The following MINDY3 variants were observed in gnomAD, a reference collection of about 807,000 sequenced individuals.
MINDY3 encodes the protein ubiquitin carboxyl-terminal hydrolase MINDY-3.
MINDY3 carries 38 observed loss-of-function variants against 69.2 expected under a neutral mutation model. The ratio of observed to expected loss-of-function variants is 0.55; its 90% CI spans 0.42 to 0.72. The LOEUF is 0.72. MINDY3 is among the 30% of genes least tolerant of loss of function. The pLI, the probability that MINDY3 is intolerant of heterozygous loss-of-function variation, is 0.00. For synonymous variants in MINDY3, 192 were observed against 180.1 expected, an observed-to-expected ratio of 1.07 and a Z score of -0.53; for missense variants, 522 against 519.0, an observed-to-expected ratio of 1.01 and a Z score of -0.06.
intron 14 of MINDY3, among the ~76,000 whole-genome samples, chr10:15,779,691 C>G (rs187084832): frequency 3.9e-5 from 6 of 152,070 alleles, no homozygotes; most frequent in Admixed American, 3.3e-4. Context: ...TCCTGAAATG[C>G]AATTCATGAG....
At chr10:15,809,450 C>A (rs1191195409) in intron 10 of MINDY3, among the ~76,000 whole-genome samples, 1 of 152,150 alleles carries the variant, frequency 6.6e-6, no homozygotes. Context: ...CAAGTAACCT[C>A]AATGAAAGTG....
intron 8 of MINDY3, among the ~76,000 whole-genome samples, chr10:15,830,432 A>G (rs372073617): frequency 3.3e-5 from 5 of 152,372 alleles, no homozygotes; most frequent in African/African-American, 9.6e-5. Context: ...AATTCCACAC[A>G]GTTTAATAAA....
intron 10 of MINDY3, among the ~76,000 whole-genome samples, chr10:15,815,824 TGAGAGATGTTAAGAA>T (rs1839318238): frequency 6.6e-6 from 1 of 152,190 alleles, no homozygotes; most frequent in African/African-American, 2.4e-5. Context: ...GAAAGGGGGC[TGAGAGATGTTAAGAA>T]GTGGCAAGGC....
At chr10:15,860,181 A>C (rs775764037) in intron 1 of MINDY3, 25 bp downstream of exon 1, 1 of 1,560,588 alleles carries the variant, frequency 6.4e-7, no homozygotes, top group Non-Finnish European at 8.8e-7. Flanking sequence ...CAGCGGCTGC[A>C]AGTGTGAGAG....
intron 13 of MINDY3, among the ~76,000 whole-genome samples, chr10:15,784,849 G>A (rs1836830568): frequency 6.6e-6 from 1 of 152,146 alleles, no homozygotes. Flanking sequence ...GTGGCTACAG[G>A]GGAAAGGGGA....
intron 2 of MINDY3, among the ~76,000 whole-genome samples, chr10:15,843,862 C>G (rs1362854063): frequency 2.0e-5 from 3 of 152,088 alleles, no homozygotes; most frequent in African/African-American, 7.2e-5. Context: ...AGTGAAGTGT[C>G]TACTTCTCAA....
chr10:15,786,362 G>T (rs1449252587), intron 13 of MINDY3, among the ~76,000 whole-genome samples, 199 bp downstream of exon 13: 4 of 152,058 alleles, frequency 2.6e-5, no homozygotes, highest in Non-Finnish European at 5.9e-5. Context: ...GTCATCTTCT[G>T]CTGCCCTCCC....
rs1836260739 is a variant in MINDY3, at chr10:15,778,283, GAAGA to G, written c.*705_*708del. On this transcript the variant is annotated 3_prime_UTR_variant, in exon 15 of 15. Transcript: ENST00000277632. Reference sequence around the variant, plus strand: ...TGCATTTATCGTGTTTATAAATATAGAAGAAAGCTGGCTTACAGGGCTGTTGGGA... The same window carrying G: ...TGCATTTATCGTGTTTATAAATATAGAAGCTGGCTTACAGGGCTGTTGGGA... The G allele has an allele frequency of 6.6e-6, 1 of 152,142 alleles. No individual in the cohort carries two copies. Among genetic ancestry groups the G allele is most frequent in the Non-Finnish European group, 1.5e-5 (1 of 68,030 alleles). The allele number at this position is 152,142 out of a possible 1,614,324, so 9.4% of individuals were successfully genotyped here.
intron 14 of MINDY3, 52 bp downstream of exon 14, chr10:15,782,103 T>C: frequency 7.8e-7 from 1 of 1,285,782 alleles, no homozygotes; most frequent in Admixed American, 1.8e-5. Context: ...CATACTCACA[T>C]AATTATTTCA....
rs1357273602 is a variant in MINDY3 at position 15,815,153 on chromosome 10, T to C, written c.882+1682A>G. Among the ~76,000 whole-genome samples the C allele has an allele frequency of 2.0e-5, 3 of 152,220 alleles. No individual in the cohort carries two copies. In the East Asian group the frequency reaches 5.8e-4, roughly 29 times the overall value. ...ATTAATTTTCTTTTATGGTAATTTA[T>C]AAAATGAAATCCTCACTCAGGAATT... is the stretch of plus-strand genomic sequence containing the variant. On this transcript the variant is annotated intron_variant, in intron 10 of 14. Transcript: ENST00000277632.
chr10:15,836,772 A>T (rs988742649), intron 6 of MINDY3, among the ~76,000 whole-genome samples: 3 of 151,686 alleles, frequency 2.0e-5, no homozygotes, highest in Non-Finnish European at 4.4e-5. Flanking sequence ...GGTAACAGAT[A>T]AAGAAGGAAA....
At chr10:15,858,023 T>C (rs765317581) in intron 1 of MINDY3, 1 of 764,772 alleles carries the variant, frequency 1.3e-6, no homozygotes, top group Non-Finnish European at 1.6e-6. Flanking sequence ...AGCAGTGTCT[T>C]GTGCCTGTTC....
At chr10:15,833,151 GA>G (rs1832845187) in intron 8 of MINDY3, among the ~76,000 whole-genome samples, 1 of 152,166 alleles carries the variant, frequency 6.6e-6, no homozygotes, top group Non-Finnish European at 1.5e-5. Flanking sequence ...ATTGAGACCA[GA>G]AATGGAAGTG....
chr10:15,840,249 G>T (rs1280419960), intron 4 of MINDY3, among the ~76,000 whole-genome samples: 1 of 151,592 alleles, frequency 6.6e-6, no homozygotes, highest in Non-Finnish European at 1.5e-5. Flanking sequence ...TGACACTTTG[G>T]ACTAGCATCC....
chr10:15,813,863 A>C (rs927679973), intron 10 of MINDY3, among the ~76,000 whole-genome samples: 4 of 152,012 alleles, frequency 2.6e-5, no homozygotes, highest in Non-Finnish European at 5.9e-5. Context: ...TACACCAACA[A>C]ACATATCAGT....
chr10:15,846,378 G>T (rs1833845408), intron 2 of MINDY3, among the ~76,000 whole-genome samples: 1 of 152,062 alleles, frequency 6.6e-6, no homozygotes, highest in East Asian at 1.9e-4. Context: ...ACATAACAAG[G>T]AATCTTCAAA....
chr10:15,793,325 A>G (rs1310035937), intron 11 of MINDY3, among the ~76,000 whole-genome samples: 2 of 152,134 alleles, frequency 1.3e-5, no homozygotes, highest in Non-Finnish European at 2.9e-5. Context: ...AAACTGAGCC[A>G]ATTATCTAGA....
rs1309950686 is a variant in MINDY3 at position 15,778,401 on chromosome 10, C to T, written c.*591G>A. 5 of 152,176 alleles carry T rather than the reference C, an allele frequency of 3.3e-5. No individual in the cohort carries two copies. Among genetic ancestry groups the T allele is most frequent in the East Asian group, 3.8e-4 (2 of 5,196 alleles). 9.4% of individuals were successfully genotyped at this position (152,176 alleles called of 1,614,324 possible). On this transcript the variant is annotated 3_prime_UTR_variant, in exon 15 of 15. Coordinates refer to ENST00000277632, the MANE Select transcript of MINDY3 (RefSeq NM_024948.4). ...CTCTTTTCTGTCAGTTTTTAGAATA[C>T]ATCCCCTATACATCTGTGAATAAAT... is the stretch of plus-strand genomic sequence containing the variant.
intron 1 of MINDY3, among the ~76,000 whole-genome samples, chr10:15,857,500 A>C (rs936064075): frequency 6.6e-6 from 1 of 152,198 alleles, no homozygotes; most frequent in Non-Finnish European, 1.5e-5. Flanking sequence ...GGGGGAGGAT[A>C]AATAGTGTTA....
Sources: allele counts gnomAD v4.1 joint callset (sites outside exome capture counted in the v4.1 genomes callset), GRCh38; gene constraint gnomAD v4.1.1; transcripts MANE v1.5; gene names NCBI Gene and HGNC (gene_info 2026-07-23, HGNC 2026-07-21).